TASOR: variants seen among roughly 807,000 people sequenced by gnomAD.
TASOR encodes protein TASOR.
In TASOR, 53 loss-of-function variants were observed where a neutral mutation model predicts 178.6. That is an observed-to-expected ratio of 0.30 (90% CI 0.24 to 0.37). TASOR has a LOEUF of 0.37. Ranked by LOEUF, TASOR falls within the 10% of genes least tolerant of loss-of-function variation. TASOR has a pLI of 1.00. For missense variants in TASOR, 1,815 were observed against 1,971.4 expected (o/e 0.92, Z 1.50); for synonymous variants, 713 against 696.2 (o/e 1.02, Z -0.38).
chr3:56,662,533 G>A (rs760417417), intron 8 of TASOR, 43 bp from the exon 9 acceptor site: 1 of 983,200 alleles, frequency 1.0e-6, no homozygotes, highest in Non-Finnish European at 1.5e-6. Context: ...TCACTTGGCA[G>A]CCCAGAGAAG....
intron 11 of TASOR, among the ~76,000 whole-genome samples, chr3:56,659,668 C>A (rs910636057): frequency 4.6e-5 from 7 of 152,184 alleles, no homozygotes; most frequent in Non-Finnish European, 1.5e-5. Context: ...AAACACAGAT[C>A]TTATGTTGCA....
At chr3:56,630,024 G>A (rs1247788044) in intron 18 of TASOR, among the ~76,000 whole-genome samples, 1 of 150,290 alleles carries the variant, frequency 6.7e-6, no homozygotes, top group Non-Finnish European at 1.5e-5. Context: ...GCAGTGCAGT[G>A]GCGCTATCTC....
Position 56,634,955 on chromosome 3 carries a change from G to A in TASOR, c.2825-989C>T, listed in dbSNP as rs563270511. 5.9e-5 allele frequency among the ~76,000 whole-genome samples: 9 copies of A among 152,228 alleles called. No homozygotes were observed. The South Asian group carries it at 8.3e-4, about 14-fold the overall frequency. ...AACTCATGATCTTTGCTTAGAAGAC[G>A]TATACACAATTTTACCCGCTAAAAA... On this transcript the variant is annotated intron_variant, in intron 17 of 23. Transcript: ENST00000683822.
At chr3:56,636,038 T>A (rs1444194790) in intron 17 of TASOR, among the ~76,000 whole-genome samples, 3 of 152,170 alleles carry the variant, frequency 2.0e-5, no homozygotes, top group Non-Finnish European at 4.4e-5. Flanking sequence ...GCACAGTGGC[T>A]CATGCCTGTA....
At chr3:56,644,083 T>G (rs1468914643) in intron 14 of TASOR, among the ~76,000 whole-genome samples, 1 of 152,218 alleles carries the variant, frequency 6.6e-6, no homozygotes, top group Non-Finnish European at 1.5e-5. Flanking sequence ...GTGCATATAA[T>G]GTGCTCAGTG....
chr3:56,626,188 T>C (rs571545271), intron 21 of TASOR, among the ~76,000 whole-genome samples: 1 of 152,286 alleles, frequency 6.6e-6, no homozygotes, highest in Admixed American at 6.5e-5. Context: ...TAGTAGAATA[T>C]AGTGTCCCAA....
chr3:56,638,916 C>T (rs537980557), intron 16 of TASOR, 151 bp from the exon 17 acceptor site: 1 of 718,632 alleles, frequency 1.4e-6, no homozygotes, highest in Non-Finnish European at 2.4e-6. Context: ...GGAATATCAA[C>T]ACTTAAGACA....
Position 56,648,586 on chromosome 3 carries a change from G to A in TASOR, c.1513+236C>T, listed in dbSNP as rs572627774. ...GTGGAGGTCGCAGTGAGCTGAGATC[G>A]CGCCCCTGCACTCCAGCCTGGGCAA... On this transcript the variant is annotated intron_variant, in intron 13 of 23. Coordinates refer to ENST00000683822, the MANE Select transcript of TASOR (RefSeq NM_001365635.2). Among the ~76,000 whole-genome samples the A allele has an allele frequency of 4.3e-5, 6 of 140,560 alleles. No homozygotes were observed. In the South Asian group the frequency reaches 6.9e-4, roughly 16 times the overall value. 92.2% of individuals were successfully genotyped at this position (140,560 alleles called of 152,430 possible).
rs578046780 is a variant in TASOR at position 56,639,703 on chromosome 3, A to G, written c.2764+283T>C. 5.3e-5 allele frequency among the ~76,000 whole-genome samples: 8 copies of G among 152,366 alleles called. No individual in the cohort carries two copies. The South Asian group carries it at 1.4e-3, about 28-fold the overall frequency. ...CTTATCAAAAACTCAGTTTCTGCCAACAGTCTTCATTCAGCAGTCTGCATG... is the reference window on the plus strand; with the variant it reads ...CTTATCAAAAACTCAGTTTCTGCCAGCAGTCTTCATTCAGCAGTCTGCATG... On this transcript the variant is annotated intron_variant, in intron 16 of 23. Transcript: ENST00000683822.
chr3:56,638,806 G>C, intron 16 of TASOR, 41 bp from the exon 17 acceptor site: 1 of 1,592,380 alleles, frequency 6.3e-7, no homozygotes. Flanking sequence ...AGACATTAGT[G>C]ATACCTACAC....
At position 56,633,161 on chromosome 3, in the gene TASOR, G is replaced by A. The variant is rs1342446843; in HGVS notation, c.3630C>T (p.Ser1210=). The A allele has an allele frequency of 3.7e-6, 6 of 1,613,938 alleles. No homozygotes were observed. The African/African-American group carries it at 4.0e-5, about 11-fold the overall frequency. ...TATTAAATACTTCAGGTTCTAACTGGCTTATAAAATTTGAAAGAGCTGGTT... is the reference window on the plus strand; with the variant it reads ...TATTAAATACTTCAGGTTCTAACTGACTTATAAAATTTGAAAGAGCTGGTT... ...SAQPALSNFI[S]QLEPEVFNSL... The change falls in exon 18 of 24, where the codon AGC becomes AGT. Residue 1210 remains serine, a synonymous_variant. Coordinates refer to ENST00000683822, the MANE Select transcript of TASOR (RefSeq NM_001365635.2).
In TASOR at chr3:56,654,333, A is replaced by C. The variant is rs192354556; in HGVS notation, c.1369-5276T>G. On this transcript the variant is annotated intron_variant, in intron 11 of 23. Transcript: ENST00000683822. ...AGGTCAATCTCATTCATCATCACAG[A>C]TACAAAATTCCTAAACAAAAGCCAA... 1.1e-3 allele frequency among the ~76,000 whole-genome samples: 167 copies of C among 150,812 alleles called. 1 individual carries two copies. Among genetic ancestry groups the C allele is most frequent in the Non-Finnish European group, 4.0e-4 (27 of 67,812 alleles).
chr3:56,668,910 T>G (rs753017714), intron 5 of TASOR, among the ~76,000 whole-genome samples: 1 of 152,142 alleles, frequency 6.6e-6, no homozygotes, highest in African/African-American at 2.4e-5. Flanking sequence ...GAGGCGGAGG[T>G]TGCAGTGAGC....
chr3:56,628,511 A>G lies in TASOR; in HGVS notation c.3851T>C (p.Ile1284Thr), dbSNP rs777914536. ...KLLIIIQNEDIAGFIHKIPGL... is the reference protein window; with the variant it reads ...KLLIIIQNEDTAGFIHKIPGL... ...GTCTACCTTGTGAATGAAACCTGCA[A>G]TGTCTTCATTTTGAATAATAATCAA... Residue 1284 changes from isoleucine (I) to threonine (T), a missense_variant, in exon 19 of 24, where the codon ATT becomes ACT. Ile to Thr is a moderately conservative substitution (Grantham distance 89, BLOSUM62 -1). Coordinates refer to ENST00000683822, the MANE Select transcript of TASOR (RefSeq NM_001365635.2). The G allele has an allele frequency of 1.1e-5, 18 of 1,603,736 alleles. No homozygotes were observed. The highest frequency in any genetic ancestry group is 1.7e-5 in the Admixed American group (1 of 58,524).
At chr3:56,636,848 C>T (rs1433459209) in intron 17 of TASOR, among the ~76,000 whole-genome samples, 1 of 152,028 alleles carries the variant, frequency 6.6e-6, no homozygotes, top group Non-Finnish European at 1.5e-5. Context: ...AAGAGGAATG[C>T]AGGTGCTGAT....
chr3:56,630,765 A>G (rs1424601044), intron 18 of TASOR, among the ~76,000 whole-genome samples: 1 of 151,850 alleles, frequency 6.6e-6, no homozygotes, highest in Non-Finnish European at 1.5e-5. Context: ...GAATTGCTTG[A>G]CCCCAGAAGG....
intron 1 of TASOR, among the ~76,000 whole-genome samples, chr3:56,677,678 T>TA (rs1578306925): frequency 6.6e-6 from 1 of 152,190 alleles, no homozygotes; most frequent in Non-Finnish European, 1.5e-5. Flanking sequence ...CCTCACTTTA[T>TA]AGACTAGAAA....
chr3:56,625,107 A>C, intron 21 of TASOR, 101 bp from the exon 22 acceptor site: 1 of 1,042,376 alleles, frequency 9.6e-7, no homozygotes, highest in Non-Finnish European at 1.4e-6. Context: ...TGAGGCAACT[A>C]ATGACAACTG....
intron 14 of TASOR, 152 bp downstream of exon 14, chr3:56,646,370 T>G: frequency 1.6e-6 from 1 of 634,510 alleles, no homozygotes; most frequent in Admixed American, 3.2e-5. Flanking sequence ...CATAAATAAA[T>G]GGGCATGGCT....
Sources: allele counts gnomAD v4.1 joint callset (sites outside exome capture counted in the v4.1 genomes callset), GRCh38; gene constraint gnomAD v4.1.1; transcripts MANE v1.5; gene names NCBI Gene and HGNC (gene_info 2026-07-23, HGNC 2026-07-21).